Variants in HPCAL1 observed in about 807,000 individuals in gnomAD.
HPCAL1 encodes hippocalcin-like protein 1.
A neutral mutation model predicts 17.1 loss-of-function variants in HPCAL1; 8 were observed. That is an observed-to-expected ratio of 0.47 (90% CI 0.27 to 0.84). The LOEUF is 0.84. Among genes scored for constraint, HPCAL1 ranks in the 40% least tolerant of loss-of-function variants. HPCAL1 has a pLI of 0.13. For missense variants in HPCAL1, 165 were observed against 271.1 expected (o/e 0.61, Z 2.75); for synonymous variants, 112 against 111.4 (o/e 1.01, Z -0.03).
chr2:10,382,129 G>A (rs140422014), intron 1 of HPCAL1, among the ~76,000 whole-genome samples: 23 of 152,342 alleles, frequency 1.5e-4, no homozygotes, highest in Admixed American at 4.6e-4. Flanking sequence ...AGCAAGCCAT[G>A]AAAAGACATG....
chr2:10,349,348 T>A (rs1179358674), intron 1 of HPCAL1, among the ~76,000 whole-genome samples: 1 of 152,090 alleles, frequency 6.6e-6, no homozygotes, highest in African/African-American at 2.4e-5. Context: ...AGCCTGCTTT[T>A]CCAGTATTAT....
chr2:10,396,163 G>A (rs1194299891), intron 1 of HPCAL1, among the ~76,000 whole-genome samples: 2 of 152,246 alleles, frequency 1.3e-5, no homozygotes, highest in East Asian at 3.8e-4. Flanking sequence ...TTTCTGAGCT[G>A]AGCTGCGGGC....
intron 1 of HPCAL1, among the ~76,000 whole-genome samples, chr2:10,339,491 G>C (rs35935820): frequency 0.18 from 26,658 of 152,126 alleles, 2,642 homozygotes; most frequent in Non-Finnish European, 0.23. Context: ...TTTTAGTAGA[G>C]ACGGGATTTC....
intron 1 of HPCAL1, among the ~76,000 whole-genome samples, chr2:10,352,270 C>T (rs1272709189): frequency 6.6e-6 from 1 of 152,178 alleles, no homozygotes; most frequent in Non-Finnish European, 1.5e-5. Context: ...CACCTTCCCT[C>T]TCCCCATCTC....
intron 1 of HPCAL1, among the ~76,000 whole-genome samples, chr2:10,311,836 C>CCAT (rs1379360989): frequency 3.3e-5 from 5 of 152,022 alleles, no homozygotes; most frequent in African/African-American, 7.2e-5. Flanking sequence ...TTCTCCATCA[C>CCAT]CATCATCATC....
At position 10,420,030 on chromosome 2, in the gene HPCAL1, G is replaced by A; in HGVS notation, c.273G>A (p.Val91=). 1 of 1,613,998 alleles carries A rather than the reference G, an allele frequency of 6.2e-7. No individual in the cohort carries two copies. The highest frequency in any genetic ancestry group is 8.5e-7 in the Non-Finnish European group (1 of 1,180,040). ...DFREFIIALS[V]TSRGKLEQKL... ...GGGAGTTCATCATTGCGCTGAGCGT[G>A]ACCTCGCGGGGCAAGCTGGAGCAGA... is the stretch of plus-strand genomic sequence containing the variant. The change falls in exon 3 of 5, where the codon GTG becomes GTA. Residue 91 remains valine (V), a synonymous_variant. Coordinates refer to ENST00000307845, the MANE Select transcript of HPCAL1 (RefSeq NM_002149.4).
intron 1 of HPCAL1, among the ~76,000 whole-genome samples, chr2:10,357,837 A>G (rs886165392): frequency 6.4e-5 from 2 of 31,042 alleles, no homozygotes; most frequent in African/African-American, 1.8e-4. Context: ...TTTAGGCAGG[A>G]AAAAAAAAAA....
intron 2 of HPCAL1, among the ~76,000 whole-genome samples, chr2:10,412,716 TGCCTCCCAC>T (rs1670429473): frequency 6.6e-6 from 1 of 152,228 alleles, no homozygotes; most frequent in Admixed American, 6.5e-5. Context: ...CTTCAGACTC[TGCCTCCCAC>T]ACCTCCTGAG....
intron 1 of HPCAL1, among the ~76,000 whole-genome samples, chr2:10,325,315 A>G (rs1429392337): frequency 6.6e-6 from 1 of 152,158 alleles, no homozygotes; most frequent in African/African-American, 2.4e-5. Flanking sequence ...TTCAGTTCAC[A>G]GGTGTGCTCT....
rs1375816402 is a variant in HPCAL1 at position 10,310,562 on chromosome 2, G to A, written c.-111+7385G>A. On this transcript the variant is annotated intron_variant, in intron 1 of 4. Coordinates refer to ENST00000307845, the MANE Select transcript of HPCAL1 (RefSeq NM_002149.4). The surrounding 1 kb of genome is among the most constrained non-coding windows in gnomAD (Gnocchi z 4.5). ...CCATTTTGGATTGTCCTAGCCTCAT[G>A]CCTTCTGAGAAGCATCTGTCAGGGT... 2.6e-5 allele frequency among the ~76,000 whole-genome samples: 4 copies of A among 152,136 alleles called. No homozygotes were observed. Among genetic ancestry groups the A allele is most frequent in the Admixed American group, 2.0e-4 (3 of 15,274 alleles).
chr2:10,335,862 A>G (rs750773215), intron 1 of HPCAL1, among the ~76,000 whole-genome samples: 2 of 152,198 alleles, frequency 1.3e-5, no homozygotes, highest in Non-Finnish European at 2.9e-5. Flanking sequence ...GTACTTCCCT[A>G]AGTTCTAGTG....
Position 10,426,974 on chromosome 2 carries a change from C to T in HPCAL1, c.*153C>T. The T allele has an allele frequency of 1.5e-6, 1 of 647,838 alleles. No individual in the cohort carries two copies. The highest frequency in any genetic ancestry group is 2.7e-6 in the Non-Finnish European group (1 of 365,834). 40.1% of individuals were successfully genotyped at this position (647,838 alleles called of 1,614,324 possible). On this transcript the variant is annotated 3_prime_UTR_variant, in exon 5 of 5. Coordinates refer to ENST00000307845, the MANE Select transcript of HPCAL1 (RefSeq NM_002149.4). ...CCTGCCCAGCCCGGTGGCTGCGCCT[C>T]CCTCCTCCACCTGACCAACGCGACA...
At chr2:10,426,302 G>C (rs1001675050) in intron 4 of HPCAL1, 3 of 190,912 alleles carry the variant, frequency 1.6e-5, no homozygotes, top group Admixed American at 5.6e-5. Flanking sequence ...CTACGCTGAT[G>C]CCAGGGAGGA....
At chr2:10,374,946 A>G (rs1015520363) in intron 1 of HPCAL1, among the ~76,000 whole-genome samples, 2 of 152,198 alleles carry the variant, frequency 1.3e-5, no homozygotes, top group African/African-American at 4.8e-5. Flanking sequence ...AGAAGGAGGA[A>G]GAGATGGGTT....
chr2:10,333,473 C>T lies in HPCAL1; in HGVS notation c.-111+30296C>T, dbSNP rs1005438183. On this transcript the variant is annotated intron_variant, in intron 1 of 4. Coordinates refer to ENST00000307845, the MANE Select transcript of HPCAL1 (RefSeq NM_002149.4). ...GGGATCCTGCTGGCAGATGTATCAC[C>T]GTAGCCCAAGCCAGCCTAAGCCAGC... 8.5e-5 allele frequency among the ~76,000 whole-genome samples: 13 copies of T among 152,264 alleles called. 1 individual carries two copies. Among genetic ancestry groups the T allele is most frequent in the African/African-American group, 7.2e-5 (3 of 41,550 alleles).
Position 10,423,005 on chromosome 2 carries a change from C to G in HPCAL1, c.401C>G (p.Ser134Cys). 1 of 1,613,508 alleles carries G rather than the reference C, an allele frequency of 6.2e-7. No homozygotes were observed. The highest frequency in any genetic ancestry group is 2.2e-5 in the East Asian group (1 of 44,890). Residue 134 changes from serine to cysteine, a missense_variant, in exon 4 of 5, where the codon TCT becomes TGT. Ser to Cys is a moderately radical substitution (Grantham distance 112). Transcript: ENST00000307845. ...IVQAIYKMVSSVMKMPEDEST... is the reference protein window; with the variant it reads ...IVQAIYKMVSCVMKMPEDEST... The stretch of plus-strand genomic sequence containing the variant: ...CAGGCCATCTACAAGATGGTGTCGT[C>G]TGTGATGAAGATGCCGGAGGATGAG...
intron 3 of HPCAL1, among the ~76,000 whole-genome samples, chr2:10,421,388 C>G (rs1442216743): frequency 6.6e-6 from 1 of 152,192 alleles, no homozygotes; most frequent in African/African-American, 2.4e-5. Context: ...TGGCATTCCC[C>G]TGAGTGCCTC....
rs74690008 is a variant in HPCAL1 at position 10,330,558 on chromosome 2, G to A, written c.-111+27381G>A. On this transcript the variant is annotated intron_variant, in intron 1 of 4. Coordinates refer to ENST00000307845, the MANE Select transcript of HPCAL1 (RefSeq NM_002149.4). The surrounding 1 kb of genome is among the most constrained non-coding windows in gnomAD (Gnocchi z 4.2). The stretch of plus-strand genomic sequence containing the variant: ...GGTGTCACCCGAGGCCTCTCTCCTC[G>A]GCTCCGTGTAGCCCTTTCTCCCTCT... 1.6e-3 allele frequency among the ~76,000 whole-genome samples: 244 copies of A among 152,100 alleles called. 1 individual carries two copies. Among genetic ancestry groups the A allele is most frequent in the African/African-American group, 5.2e-3 (215 of 41,476 alleles).
chr2:10,423,451 G>T, intron 4 of HPCAL1: 1 of 235,500 alleles, frequency 4.2e-6, no homozygotes. Context: ...GATCCCAGAT[G>T]TTGGGGTCCT....
Sources: gnomAD v4.1 joint callset for allele counts (sites outside exome capture counted in the v4.1 genomes callset) on GRCh38, gnomAD v4.1.1 for gene constraint, Gnocchi (gnomAD v3.1) non-coding constraint, MANE v1.5 for transcripts, NCBI Gene and HGNC (gene_info 2026-07-23, HGNC 2026-07-21) for gene names.